CENPP: variants seen among roughly 807,000 people sequenced by gnomAD.
CENPP encodes the protein centromere protein P.
Under a neutral mutation model 35.6 loss-of-function variants are expected in CENPP, and 24 were observed. The ratio of observed to expected loss-of-function variants is 0.67; its 90% confidence interval spans 0.49 to 0.95. The LOEUF is 0.95. Among genes scored for constraint, CENPP ranks in the 40% least tolerant of loss-of-function variants. The probability of loss-of-function intolerance (pLI) is 0.00; values close to 1 mark genes in which losing one functional copy is unlikely to be tolerated. For synonymous variants in CENPP, 120 were observed against 125.5 expected, an observed-to-expected ratio of 0.96 and a Z score of 0.29; for missense variants, 332 against 345.3, an observed-to-expected ratio of 0.96 and a Z score of 0.31.
At chr9:92,548,596 CA>C (rs1165778775) in intron 5 of CENPP, among the ~76,000 whole-genome samples, 3 of 151,918 alleles carry the variant, frequency 2.0e-5, no homozygotes, top group Non-Finnish European at 4.4e-5. Context: ...TGTCTTTATA[CA>C]GTGAGATAAT....
At chr9:92,385,531 A>G (rs955741816) in intron 5 of CENPP, 31 of 1,141,970 alleles carry the variant, frequency 2.7e-5, no homozygotes, top group Non-Finnish European at 3.8e-6. Context: ...CAAGGTTAAT[A>G]TTAAACCAAT....
intron 5 of CENPP, among the ~76,000 whole-genome samples, chr9:92,423,302 T>A (rs1025042813): frequency 3.3e-5 from 5 of 152,148 alleles, no homozygotes; most frequent in Non-Finnish European, 7.4e-5. Context: ...TTTTTCATAT[T>A]ATAGCAATAA....
intron 3 of CENPP, among the ~76,000 whole-genome samples, chr9:92,345,196 T>G (rs961900995): frequency 6.6e-6 from 1 of 151,840 alleles, no homozygotes; most frequent in African/African-American, 2.4e-5. Context: ...GAGTTTGCAG[T>G]GAGCCGAGAT....
In CENPP at chr9:92,620,126, C is replaced by T. The variant is rs982434989; in HGVS notation, c.*6977C>T. ...CAGCCCAACAGGGCAGCACGGCCGG[C>T]GTCCCACTTTACAGACAAGCAACAG... On this transcript the variant is annotated 3_prime_UTR_variant, in exon 8 of 8. Transcript: ENST00000375587. 2.6e-5 allele frequency: 4 copies of T among 155,858 alleles called. No individual in the cohort carries two copies. The highest frequency in any genetic ancestry group is 9.6e-5 in the African/African-American group (4 of 41,588). The allele number at this position is 155,858 out of a possible 1,614,324, so 9.7% of individuals were successfully genotyped here. A position where few individuals can be genotyped will look rare whatever the true frequency, so the allele number is the denominator to read the frequency against.
At chr9:92,337,667 C>T (rs766372372) in intron 3 of CENPP, 38 bp downstream of exon 3, 7 of 1,252,930 alleles carry the variant, frequency 5.6e-6, no homozygotes, top group South Asian at 3.6e-5. Flanking sequence ...AGAGATACTT[C>T]TGCTATGAGA....
At chr9:92,515,511 A>G (rs1204945707) in intron 5 of CENPP, among the ~76,000 whole-genome samples, 1 of 152,220 alleles carries the variant, frequency 6.6e-6, no homozygotes, top group Non-Finnish European at 1.5e-5. Flanking sequence ...ATATTGCCAC[A>G]TGAGGCAAAA....
chr9:92,413,972 T>C (rs905558996), intron 5 of CENPP, among the ~76,000 whole-genome samples: 2 of 152,216 alleles, frequency 1.3e-5, no homozygotes, highest in African/African-American at 4.8e-5. Flanking sequence ...TTGCATATTG[T>C]CAGAATTGTT....
At chr9:92,474,357 G>T (rs1845631182) in intron 5 of CENPP, among the ~76,000 whole-genome samples, 1 of 152,088 alleles carries the variant, frequency 6.6e-6, no homozygotes, top group Non-Finnish European at 1.5e-5. Flanking sequence ...TCTCTGAAGG[G>T]AATTAAAATT....
chr9:92,334,961 C>G (rs896040562), intron 2 of CENPP, among the ~76,000 whole-genome samples: 2 of 151,530 alleles, frequency 1.3e-5, no homozygotes, highest in African/African-American at 4.9e-5. Flanking sequence ...CCGAGGCGGG[C>G]GAATCACTTG....
In CENPP at chr9:92,618,613, C is replaced by T. The variant is rs1387097481; in HGVS notation, c.*5464C>T. 1 of 455,248 alleles carries T rather than the reference C, an allele frequency of 2.2e-6. No homozygotes were observed. The highest frequency in any genetic ancestry group is 2.0e-5 in the African/African-American group (1 of 50,056). The allele number at this position is 455,248 out of a possible 1,614,324, so 28.2% of individuals were successfully genotyped here. A position where few individuals can be genotyped will look rare whatever the true frequency, so the allele number is the denominator to read the frequency against. On this transcript the variant is annotated 3_prime_UTR_variant, in exon 8 of 8. Coordinates refer to ENST00000375587, the MANE Select transcript of CENPP (RefSeq NM_001012267.3). ...AATCCAGTTAAGGAATTCCTCATAA[C>T]TTAGCCCTGTAGGTATTTCCTTAGG...
chr9:92,392,616 G>T (rs1446236229), intron 5 of CENPP, among the ~76,000 whole-genome samples: 1 of 151,714 alleles, frequency 6.6e-6, no homozygotes, highest in Non-Finnish European at 1.5e-5. Flanking sequence ...CTCCATGTCG[G>T]GTTGGGGGGA....
intron 5 of CENPP, among the ~76,000 whole-genome samples, chr9:92,464,100 G>T (rs1463194592): frequency 6.6e-6 from 1 of 152,200 alleles, no homozygotes; most frequent in Non-Finnish European, 1.5e-5. Context: ...TAATCATAGG[G>T]GTTATTTTTG....
intron 5 of CENPP, among the ~76,000 whole-genome samples, chr9:92,572,700 A>C (rs1260607246): frequency 6.6e-6 from 1 of 151,992 alleles, no homozygotes; most frequent in Non-Finnish European, 1.5e-5. Context: ...ACTTGGTTCC[A>C]TTCTCCCCGT....
chr9:92,533,605 A>C (rs1197530510), intron 5 of CENPP, among the ~76,000 whole-genome samples: 1 of 151,794 alleles, frequency 6.6e-6, no homozygotes, highest in Non-Finnish European at 1.5e-5. Flanking sequence ...CAGCAGGTCT[A>C]ATGATCTGAC....
chr9:92,422,243 G>A (rs1412935669), intron 5 of CENPP, among the ~76,000 whole-genome samples: 3 of 151,928 alleles, frequency 2.0e-5, no homozygotes, highest in South Asian at 2.1e-4. Context: ...TAGTTAAGAC[G>A]GGATTTTGCC....
rs1433769497 is a variant in CENPP, at chr9:92,617,835, G to C, written c.*4686G>C. 4.8e-6 allele frequency: 1 copy of C among 208,888 alleles called. No homozygotes were observed. Among genetic ancestry groups the C allele is most frequent in the Non-Finnish European group, 9.7e-6 (1 of 102,620 alleles). 12.9% of individuals were successfully genotyped at this position (208,888 alleles called of 1,614,324 possible). The stretch of plus-strand genomic sequence containing the variant: ...AGTTCCAAATTCCCAAAGGGACAAA[G>C]CTCTGCAGCGACAGGAAGGCAGATC... On this transcript the variant is annotated 3_prime_UTR_variant, in exon 8 of 8. Coordinates refer to ENST00000375587, the MANE Select transcript of CENPP (RefSeq NM_001012267.3).
chr9:92,465,030 C>T, intron 5 of CENPP: 2 of 1,595,636 alleles, frequency 1.3e-6, no homozygotes, highest in Non-Finnish European at 1.7e-6. Context: ...GCACTCATTT[C>T]TGTCAGGGGA....
chr9:92,325,528 A>C (rs41277649), upstream of CENPP: 5,473 of 153,940 alleles, frequency 0.036, 153 homozygotes, highest in Non-Finnish European at 0.053. Context: ...AGCCTAAACC[A>C]AAATCCCCTA....
At chr9:92,470,534 T>C (rs1845472790) in intron 5 of CENPP, 6 of 515,092 alleles carry the variant, frequency 1.2e-5, no homozygotes, top group Non-Finnish European at 2.0e-5. Context: ...ACTAGAACGC[T>C]GTTGAATGCA....
Sources: gnomAD v4.1 joint callset for allele counts (sites outside exome capture counted in the v4.1 genomes callset) on GRCh38, gnomAD v4.1.1 for gene constraint, MANE v1.5 for transcripts, NCBI Gene and HGNC (gene_info 2026-07-23, HGNC 2026-07-21) for gene names.